The following UTS2 variants were observed in gnomAD, a reference collection of about 807,000 sequenced individuals.
UTS2 encodes the protein urotensin-2.
In UTS2, 10 loss-of-function variants were observed where a neutral mutation model predicts 12.6. The ratio of observed to expected loss-of-function variants is 0.80; its 90% CI spans 0.49 to 1.35. The LOEUF (loss-of-function observed/expected upper bound fraction) is 1.35. Ranked by LOEUF, UTS2 falls within the 40% of genes most tolerant of loss-of-function variation. The pLI is 0.00. For synonymous variants in UTS2, 52 were observed against 50.0 expected (o/e 1.04, Z -0.17); for missense variants, 142 against 143.2 (o/e 0.99, Z 0.04).
chr1:7,851,331 G>A (rs1489697072), intron 1 of UTS2, among the ~76,000 whole-genome samples: 1 of 151,022 alleles, frequency 6.6e-6, no homozygotes, highest in Non-Finnish European at 1.5e-5. Context: ...AAGAAAGATC[G>A]TTTACAATCT....
chr1:7,903,738 C>A, the UTS2 span, among the ~76,000 whole-genome samples: 2 of 152,052 alleles, frequency 1.3e-5, no homozygotes, highest in African/African-American at 4.8e-5. Flanking sequence ...TTGGGGGTTG[C>A]AGGAGTAGAA....
chr1:7,864,925 T>C, the UTS2 span, among the ~76,000 whole-genome samples: 1 of 137,598 alleles, frequency 7.3e-6, no homozygotes, highest in Non-Finnish European at 1.6e-5. Flanking sequence ...CCTCTGTGTG[T>C]CTGTCCGATA....
chr1:7,877,250 A>C, the UTS2 span, among the ~76,000 whole-genome samples: 3 of 152,030 alleles, frequency 2.0e-5, no homozygotes, highest in Admixed American at 2.0e-4. Flanking sequence ...GCTCCAACAG[A>C]CTCCAATGAA....
upstream of UTS2, among the ~76,000 whole-genome samples, chr1:7,855,319 C>A (rs889615034): frequency 9.2e-5 from 14 of 152,068 alleles, no homozygotes; most frequent in African/African-American, 3.1e-4. Flanking sequence ...CGCGGTGGCT[C>A]ACGCCTATAA....
the UTS2 span, among the ~76,000 whole-genome samples, chr1:7,910,052 C>T: frequency 2.0e-5 from 3 of 152,134 alleles, no homozygotes; most frequent in Non-Finnish European, 4.4e-5. Flanking sequence ...AAGGAGGATT[C>T]ATTTGTAAAG....
the UTS2 span, among the ~76,000 whole-genome samples, chr1:7,867,205 G>A: frequency 3.9e-5 from 6 of 152,024 alleles, no homozygotes; most frequent in East Asian, 1.9e-4. Context: ...TATTGATTCC[G>A]GTTGCAAAAA....
At chr1:7,852,150 T>C (rs913392840) in intron 1 of UTS2, among the ~76,000 whole-genome samples, 16 of 149,948 alleles carry the variant, frequency 1.1e-4, no homozygotes, top group African/African-American at 3.9e-4. Flanking sequence ...GAGGGTTTGT[T>C]TGTTTTTTTT....
At chr1:7,901,412 G>A in the UTS2 span, among the ~76,000 whole-genome samples, 1 of 152,180 alleles carries the variant, frequency 6.6e-6, no homozygotes, top group African/African-American at 2.4e-5. Flanking sequence ...CCTTGGAGAG[G>A]AGGTGGAAGG....
the UTS2 span, among the ~76,000 whole-genome samples, chr1:7,903,010 T>TCCTCCCCTC: frequency 4.5e-5 from 3 of 66,706 alleles, no homozygotes; most frequent in African/African-American, 2.9e-4. Context: ...CCTCCTTCCC[T>TCCTCCCCTC]CTTCCCCTCC....
the UTS2 span, among the ~76,000 whole-genome samples, chr1:7,904,769 G>T: frequency 9.2e-5 from 14 of 151,958 alleles, no homozygotes; most frequent in Admixed American, 3.3e-4. Flanking sequence ...GCCGGGCGTG[G>T]TGGTGGCGCC....
At chr1:7,904,642 C>T in the UTS2 span, among the ~76,000 whole-genome samples, 27 of 152,114 alleles carry the variant, frequency 1.8e-4, no homozygotes, top group Non-Finnish European at 3.2e-4. Context: ...CAGTGGCTCA[C>T]GCCTATAATC....
At chr1:7,886,147 T>C in the UTS2 span, among the ~76,000 whole-genome samples, 5 of 151,804 alleles carry the variant, frequency 3.3e-5, no homozygotes, top group African/African-American at 1.2e-4. Context: ...CTGACACAAA[T>C]TGCTCCCTGC....
chr1:7,862,990 G>A, the UTS2 span, among the ~76,000 whole-genome samples: 10,496 of 41,156 alleles, frequency 0.26, 1,320 homozygotes, highest in Middle Eastern at 0.35. Flanking sequence ...ATTGTGTTGT[G>A]TTGTATTGTA....
chr1:7,848,274 C>A (rs1210215660), intron 3 of UTS2, among the ~76,000 whole-genome samples: 2 of 151,886 alleles, frequency 1.3e-5, no homozygotes, highest in Non-Finnish European at 2.9e-5. Flanking sequence ...ATGATGAAAC[C>A]TCGTCTCTAC....
upstream of UTS2, chr1:7,853,445 A>G (rs1558506368): frequency 6.2e-7 from 1 of 1,611,630 alleles, no homozygotes; most frequent in African/African-American, 1.3e-5. Flanking sequence ...TTAATCTTTC[A>G]TGAGTGAGTA....
chr1:7,873,549 G>A, the UTS2 span, among the ~76,000 whole-genome samples: 1 of 152,346 alleles, frequency 6.6e-6, no homozygotes, highest in Non-Finnish European at 1.5e-5. Flanking sequence ...AGGAACTGCA[G>A]ATGTGGTGGA....
the UTS2 span, among the ~76,000 whole-genome samples, chr1:7,892,469 GTTTTTTT>G: frequency 1.3e-5 from 1 of 77,752 alleles, no homozygotes; most frequent in Non-Finnish European, 2.3e-5. Context: ...CCTCATGCAT[GTTTTTTT>G]TTTTTTTTTT....
At chr1:7,877,148 A>AAAAAAAAAG in the UTS2 span, among the ~76,000 whole-genome samples, 3 of 103,724 alleles carry the variant, frequency 2.9e-5, no homozygotes, top group African/African-American at 1.1e-4. Flanking sequence ...AAAAAGAAAA[A>AAAAAAAAAG]AAAAAGAAAC....
chr1:7,851,568 T>G (rs1264481115), intron 1 of UTS2, among the ~76,000 whole-genome samples: 5 of 152,162 alleles, frequency 3.3e-5, no homozygotes, highest in Non-Finnish European at 7.3e-5. Context: ...AGTGCAGACC[T>G]GCTGCTGTGT....
Sources: gnomAD v4.1 joint callset for allele counts (sites outside exome capture counted in the v4.1 genomes callset) on GRCh38, gnomAD v4.1.1 for gene constraint, MANE v1.5 for transcripts, NCBI Gene and HGNC (gene_info 2026-07-23, HGNC 2026-07-21) for gene names.